The following STX2 variants were observed in gnomAD, a reference collection of about 807,000 sequenced individuals.
STX2 encodes syntaxin 2.
In STX2, 27 loss-of-function variants were observed where a neutral mutation model predicts 40.6. The observed-to-expected ratio is 0.66, with a 90% CI of 0.49 to 0.92. The LOEUF is 0.92. Ranked by LOEUF, STX2 falls within the 40% of genes least tolerant of loss-of-function variation. The pLI, the probability that STX2 is intolerant of heterozygous loss-of-function variation, is 0.00. For synonymous variants in STX2, 123 were observed against 119.1 expected (o/e 1.03, Z -0.22); for missense variants, 328 against 366.1 (o/e 0.90, Z 0.85).
chr12:130,798,387 T>C lies in STX2; in HGVS notation c.786+138A>G, dbSNP rs181505929. 8 of 532,764 alleles carry C rather than the reference T, an allele frequency of 1.5e-5. No homozygotes were observed. In the South Asian group the frequency reaches 3.9e-4, roughly 26 times the overall value. 33.0% of individuals were successfully genotyped at this position (532,764 alleles called of 1,614,324 possible). On this transcript the variant is annotated intron_variant, in intron 9 of 10. Transcript: ENST00000392373. ...CCTTTTAAATTTTTAGCAAAAAAAATTATTTCCATTTTAAAATAAAACATT... is the reference window on the plus strand; with the variant it reads ...CCTTTTAAATTTTTAGCAAAAAAAACTATTTCCATTTTAAAATAAAACATT...
chr12:130,799,697 C>T (rs1951151455), intron 8 of STX2, among the ~76,000 whole-genome samples: 1 of 151,956 alleles, frequency 6.6e-6, no homozygotes, highest in South Asian at 2.1e-4. Flanking sequence ...ACCTGTGGTC[C>T]CAGCTACTCG....
chr12:130,824,160 CG>C (rs34551375), intron 2 of STX2, among the ~76,000 whole-genome samples: 73,898 of 151,988 alleles, frequency 0.49, 20,267 homozygotes, highest in East Asian at 0.87. Flanking sequence ...GAGGCCAAGG[CG>C]GGCAGATCAC....
At chr12:130,823,946 T>G (rs1952206623) in intron 2 of STX2, among the ~76,000 whole-genome samples, 2 of 152,236 alleles carry the variant, frequency 1.3e-5, no homozygotes, top group Admixed American at 1.3e-4. Flanking sequence ...ACTCCATCAT[T>G]GTGCAGTCAT....
At chr12:130,821,918 C>A in intron 2 of STX2, 130 bp from the exon 3 acceptor site, 2 of 593,994 alleles carry the variant, frequency 3.4e-6, no homozygotes, top group South Asian at 4.8e-5. Flanking sequence ...CTCTCCCATT[C>A]TCACACTGGT....
intron 1 of STX2, among the ~76,000 whole-genome samples, chr12:130,834,720 T>C (rs570978564): frequency 2.7e-4 from 41 of 152,376 alleles, no homozygotes; most frequent in African/African-American, 9.9e-4. Context: ...ACTCCAACTG[T>C]AGGAACTGTT....
chr12:130,827,678 C>A (rs1401478658), intron 1 of STX2, among the ~76,000 whole-genome samples: 1 of 152,256 alleles, frequency 6.6e-6, no homozygotes, highest in East Asian at 1.9e-4. Context: ...CTTTAGGAGG[C>A]TGAGGGGGGC....
chr12:130,801,333 A>G, intron 7 of STX2, 43 bp from the exon 8 acceptor site: 2 of 1,600,162 alleles, frequency 1.2e-6, no homozygotes, highest in South Asian at 1.1e-5. Flanking sequence ...TAAACTTATG[A>G]TGGGTTTGGA....
At chr12:130,823,521 G>A (rs766412527) in intron 2 of STX2, among the ~76,000 whole-genome samples, 23 of 152,222 alleles carry the variant, frequency 1.5e-4, no homozygotes, top group Non-Finnish European at 2.9e-4. Flanking sequence ...CGAGGCAAGG[G>A]AGCCAACGTT....
At chr12:130,802,388 G>C (rs57261309) in intron 6 of STX2, among the ~76,000 whole-genome samples, 3,937 of 152,248 alleles carry the variant, frequency 0.026, 163 homozygotes, top group African/African-American at 0.084. Context: ...AGTAGAGGTG[G>C]GGTTTCACCA....
At chr12:130,792,280 C>T (rs1005492666) in intron 10 of STX2, among the ~76,000 whole-genome samples, 1 of 152,120 alleles carries the variant, frequency 6.6e-6, no homozygotes, top group Non-Finnish European at 1.5e-5. Context: ...AGGATAGTCT[C>T]GATCTCTTGA....
intron 1 of STX2, among the ~76,000 whole-genome samples, chr12:130,835,182 A>G (rs1269792645): frequency 6.6e-6 from 1 of 152,226 alleles, no homozygotes; most frequent in Non-Finnish European, 1.5e-5. Context: ...CTAGCTACTC[A>G]GGAAGCTGAG....
At chr12:130,804,011 C>T (rs1001660999) in intron 6 of STX2, among the ~76,000 whole-genome samples, 1 of 152,148 alleles carries the variant, frequency 6.6e-6, no homozygotes, top group Non-Finnish European at 1.5e-5. Flanking sequence ...GTCCTAGACC[C>T]CACCTGGGGA....
intron 3 of STX2, among the ~76,000 whole-genome samples, chr12:130,818,874 G>A (rs1040875282): frequency 6.6e-6 from 1 of 152,190 alleles, no homozygotes; most frequent in African/African-American, 2.4e-5. Context: ...TCCCAGCCTC[G>A]TCGTCACTAA....
chr12:130,834,356 CAAAAAAAAAAA>C (rs11355842), intron 1 of STX2, among the ~76,000 whole-genome samples: 3 of 92,812 alleles, frequency 3.2e-5, no homozygotes, highest in Non-Finnish European at 6.5e-5. Context: ...CACTCTGTCT[CAAAAAAAAAAA>C]AAAAAAAAAA....
Position 130,839,238 on chromosome 12 carries a change from C to A in STX2, c.-139G>T. The A allele has an allele frequency of 1.4e-6, 1 of 699,952 alleles. No homozygotes were observed. The highest frequency in any genetic ancestry group is 1.8e-6 in the Non-Finnish European group (1 of 560,390). The allele number at this position is 699,952 out of a possible 1,614,324, so 43.4% of individuals were successfully genotyped here. ...GCAGCCCTCCCTGGAGCCGGCGCTG[C>A]CACGGCAACCGCGCCCCGCGCGCTC... On this transcript the variant is annotated 5_prime_UTR_variant, in exon 1 of 11. Coordinates refer to ENST00000392373, the MANE Select transcript of STX2 (RefSeq NM_194356.4).
At chr12:130,809,753 G>A (rs2136278417) in intron 4 of STX2, among the ~76,000 whole-genome samples, 1 of 152,342 alleles carries the variant, frequency 6.6e-6, no homozygotes, top group South Asian at 2.1e-4. Context: ...GGAGGCGGAG[G>A]TTGCAGTGAG....
chr12:130,803,858 T>C (rs1565908363), intron 6 of STX2, among the ~76,000 whole-genome samples: 1 of 152,136 alleles, frequency 6.6e-6, no homozygotes, highest in Non-Finnish European at 1.5e-5. Flanking sequence ...GGGTTTTCCT[T>C]AAGCTCGATG....
At chr12:130,811,307 G>A (rs1193757601) in intron 4 of STX2, among the ~76,000 whole-genome samples, 14 of 146,536 alleles carry the variant, frequency 9.6e-5, no homozygotes, top group Admixed American at 1.4e-4. Flanking sequence ...GCAGTGAGCC[G>A]AGATTGTGCC....
intron 1 of STX2, among the ~76,000 whole-genome samples, chr12:130,830,219 CT>C (rs1952505210): frequency 6.6e-6 from 1 of 152,174 alleles, no homozygotes; most frequent in African/African-American, 2.4e-5. Flanking sequence ...ACTGTGGAGG[CT>C]GCACCTGCAG....
Sources: allele counts gnomAD v4.1 joint callset (sites outside exome capture counted in the v4.1 genomes callset), GRCh38; gene constraint gnomAD v4.1.1; transcripts MANE v1.5; gene names NCBI Gene and HGNC (gene_info 2026-07-23, HGNC 2026-07-21).